The following CNTN5 variants were observed in gnomAD, a reference collection of about 807,000 sequenced individuals.
CNTN5 encodes the protein contactin-5.
CNTN5 carries 77 observed loss-of-function variants against 129.1 expected under a neutral mutation model. The ratio of observed to expected loss-of-function variants is 0.60; its 90% CI spans 0.50 to 0.72. The LOEUF (loss-of-function observed/expected upper bound fraction) is 0.72. Among genes scored for constraint, CNTN5 ranks in the 30% least tolerant of loss-of-function variants. The pLI is 0.00. For synonymous variants in CNTN5, 509 were observed against 465.6 expected (o/e 1.09, Z -1.20); for missense variants, 1,478 against 1,328.8 (o/e 1.11, Z -1.75).
In CNTN5 at chr11:100,191,077, G is replaced by C. The variant is rs202246829; in HGVS notation, c.1581-49G>C. 220 of 1,335,542 alleles carry C rather than the reference G, an allele frequency of 1.6e-4. No homozygotes were observed. In the Middle Eastern group the frequency reaches 2.4e-3, roughly 15 times the overall value. 82.7% of individuals were successfully genotyped at this position (1,335,542 alleles called of 1,614,324 possible). Reference sequence around the variant, plus strand: ...CTTCATCATTGGTTCTTACTATTTAGCTGATTGCAGTAAAACAGAAAAAAA... The same window carrying C: ...CTTCATCATTGGTTCTTACTATTTACCTGATTGCAGTAAAACAGAAAAAAA... On this transcript the variant is annotated intron_variant, in intron 13 of 24. Transcript: ENST00000524871.
intron 2 of CNTN5, among the ~76,000 whole-genome samples, chr11:99,463,147 A>ATAAATAAATAAATAAC (rs59230703): frequency 6.7e-6 from 1 of 149,202 alleles, no homozygotes; most frequent in African/African-American, 2.5e-5. Context: ...AAATAAATAA[A>ATAAATAAATAAATAAC]AGTAAAAAAG....
intron 9 of CNTN5, among the ~76,000 whole-genome samples, chr11:100,052,884 C>T (rs976417177): frequency 6.6e-6 from 1 of 151,568 alleles, no homozygotes; most frequent in African/African-American, 2.4e-5. Flanking sequence ...ATTAATGCAA[C>T]AGAAGAAAGC....
intron 3 of CNTN5, among the ~76,000 whole-genome samples, chr11:99,579,935 T>G (rs1465418642): frequency 2.0e-5 from 3 of 150,692 alleles, no homozygotes; most frequent in Admixed American, 6.6e-5. Context: ...GCTTCCAGTT[T>G]TTGCCCATTC....
chr11:99,803,260 AC>A (rs1382451633), intron 3 of CNTN5, among the ~76,000 whole-genome samples: 1 of 152,142 alleles, frequency 6.6e-6, no homozygotes, highest in Non-Finnish European at 1.5e-5. Context: ...CAGCAATGAT[AC>A]CCAGATGAGT....
At chr11:100,020,021 T>C (rs184718599) in intron 9 of CNTN5, among the ~76,000 whole-genome samples, 44 of 152,160 alleles carry the variant, frequency 2.9e-4, no homozygotes, top group African/African-American at 9.9e-4. Flanking sequence ...GTTTCTTATA[T>C]GTTTTGGATA....
chr11:100,061,079 A>G, intron 9 of CNTN5, 133 bp from the exon 10 acceptor site: 1 of 594,226 alleles, frequency 1.7e-6, no homozygotes, highest in South Asian at 5.1e-5. Context: ...AAATATATCA[A>G]CCAGCACATG....
In CNTN5 at chr11:99,622,090, T is replaced by C. The variant is rs138581024; in HGVS notation, c.55+65821T>C. Among the ~76,000 whole-genome samples, 314 of 152,312 alleles carry C rather than the reference T, an allele frequency of 2.1e-3. 1 individual carries two copies. Among genetic ancestry groups the C allele is most frequent in the African/African-American group, 7.1e-3 (294 of 41,566 alleles). ...ACACCTCCCCATACCAAGGCAGCCA[T>C]TGAGCACATCTTCTATCTGTTGCCT... On this transcript the variant is annotated intron_variant, in intron 3 of 24. Coordinates refer to ENST00000524871, the MANE Select transcript of CNTN5 (RefSeq NM_014361.4).
At chr11:99,368,461 G>C (rs1939601076) in intron 2 of CNTN5, among the ~76,000 whole-genome samples, 1 of 150,942 alleles carries the variant, frequency 6.6e-6, no homozygotes, top group Non-Finnish European at 1.5e-5. Flanking sequence ...GGACAACATA[G>C]TGCAACTCTT....
At chr11:100,350,959 A>C in intron 24 of CNTN5, 89 bp downstream of exon 24, 5 of 1,012,246 alleles carry the variant, frequency 4.9e-6, no homozygotes, top group Non-Finnish European at 7.1e-6. Flanking sequence ...GATAGATTTC[A>C]TGGTTCAGAG....
intron 2 of CNTN5, among the ~76,000 whole-genome samples, chr11:99,326,343 T>C (rs1018068709): frequency 1.3e-5 from 2 of 152,214 alleles, no homozygotes; most frequent in African/African-American, 4.8e-5. Flanking sequence ...TTGACAATAG[T>C]GTACCCAATT....
chr11:99,579,330 T>A (rs11501222), intron 3 of CNTN5, among the ~76,000 whole-genome samples: 12,778 of 150,974 alleles, frequency 0.085, 843 homozygotes, highest in African/African-American at 0.18. Flanking sequence ...TTTGGTTCCA[T>A]ATGAACTTTA....
chr11:99,486,030 C>T (rs908796526), intron 2 of CNTN5, among the ~76,000 whole-genome samples: 34 of 152,106 alleles, frequency 2.2e-4, no homozygotes, highest in African/African-American at 7.9e-4. Context: ...TTGAATTCTA[C>T]AATTTTTGCC....
rs1442312653 is a variant in CNTN5 at position 99,021,086 on chromosome 11, G to T, written c.-394G>T. Reference sequence around the variant, plus strand: ...AGGATGCGTTACCTGGGTCCCGTCTGCTGCGAGAGGCAGGGCAAGCTGGAG... The same window carrying T: ...AGGATGCGTTACCTGGGTCCCGTCTTCTGCGAGAGGCAGGGCAAGCTGGAG... On this transcript the variant is annotated 5_prime_UTR_variant, in exon 1 of 25. Transcript: ENST00000524871. The T allele has an allele frequency of 6.6e-6, 1 of 152,538 alleles. No individual in the cohort carries two copies. Among genetic ancestry groups the T allele is most frequent in the African/African-American group, 2.4e-5 (1 of 41,474 alleles). The allele number at this position is 152,538 out of a possible 1,614,324, so 9.4% of individuals were successfully genotyped here.
chr11:99,196,771 T>TAA (rs1238443006), intron 1 of CNTN5, among the ~76,000 whole-genome samples: 1 of 151,096 alleles, frequency 6.6e-6, no homozygotes, highest in African/African-American at 2.4e-5. Context: ...CAACATCCTT[T>TAA]AAAAAGAAAA....
At chr11:99,389,504 A>G (rs1406378795) in intron 2 of CNTN5, among the ~76,000 whole-genome samples, 4 of 152,198 alleles carry the variant, frequency 2.6e-5, no homozygotes, top group African/African-American at 9.6e-5. Context: ...AACTTTGCAG[A>G]TAATGCGTAG....
At chr11:99,681,253 G>A (rs1313203177) in intron 3 of CNTN5, among the ~76,000 whole-genome samples, 4 of 152,058 alleles carry the variant, frequency 2.6e-5, no homozygotes, top group African/African-American at 9.7e-5. Context: ...CAGTGGTAGT[G>A]TTTGAAAGAT....
At chr11:99,678,691 G>T (rs2134697712) in intron 3 of CNTN5, among the ~76,000 whole-genome samples, 1 of 152,148 alleles carries the variant, frequency 6.6e-6, no homozygotes, top group East Asian at 1.9e-4. Flanking sequence ...AAAGTTTAGA[G>T]TATAGAGAAA....
intron 7 of CNTN5, among the ~76,000 whole-genome samples, chr11:99,944,901 C>T (rs1347599562): frequency 2.0e-5 from 3 of 151,982 alleles, no homozygotes; most frequent in Non-Finnish European, 4.4e-5. Context: ...TTAAAACCTT[C>T]TTTGAGGCAG....
intron 9 of CNTN5, among the ~76,000 whole-genome samples, chr11:100,029,360 ATCATGAG>A (rs1408834032): frequency 6.6e-6 from 1 of 152,116 alleles, no homozygotes; most frequent in Admixed American, 6.5e-5. Flanking sequence ...AGGCGGGTGG[ATCATGAG>A]GTCAGGAGAT....
Sources: gnomAD v4.1 joint callset for allele counts (sites outside exome capture counted in the v4.1 genomes callset) on GRCh38, gnomAD v4.1.1 for gene constraint, MANE v1.5 for transcripts, NCBI Gene and HGNC (gene_info 2026-07-23, HGNC 2026-07-21) for gene names.